The following YAF2 variants were observed in gnomAD, a reference collection of about 807,000 sequenced individuals.
YAF2 encodes the protein YY1-associated factor 2.
A neutral mutation model predicts 20.1 loss-of-function variants in YAF2; 7 were observed. That is an observed-to-expected ratio of 0.35 (90% CI 0.20 to 0.65). The LOEUF is 0.65. Ranked by LOEUF, YAF2 falls within the 30% of genes least tolerant of loss-of-function variation. The pLI is 0.69. For missense variants in YAF2, 151 were observed against 219.2 expected, an observed-to-expected ratio of 0.69 and a Z score of 1.96; for synonymous variants, 74 against 76.0, an observed-to-expected ratio of 0.97 and a Z score of 0.14.
intron 2 of YAF2, chr12:42,233,721 C>T: frequency 1.1e-6 from 1 of 922,204 alleles, no homozygotes; most frequent in South Asian, 5.0e-5. Context: ...CTGTGTTGCC[C>T]AGGTTGGTCT....
intron 2 of YAF2, among the ~76,000 whole-genome samples, chr12:42,188,467 A>C (rs2066530343): frequency 6.7e-6 from 1 of 149,098 alleles, no homozygotes; most frequent in East Asian, 2.0e-4. Context: ...CTCACTGCAA[A>C]CTCCACCTCT....
At chr12:42,230,212 G>A (rs113444083) in intron 2 of YAF2, among the ~76,000 whole-genome samples, 2,747 of 152,122 alleles carry the variant, frequency 0.018, 83 homozygotes, top group African/African-American at 0.062. Context: ...AGCCAAGATC[G>A]CGCTACTGCA....
chr12:42,168,563 C>A (rs887901241), intron 2 of YAF2, among the ~76,000 whole-genome samples: 1 of 152,004 alleles, frequency 6.6e-6, no homozygotes, highest in African/African-American at 2.4e-5. Flanking sequence ...AAATTCTTTT[C>A]GGAAAAATGA....
Position 42,161,757 on chromosome 12 carries a change from C to T in YAF2, c.161G>A (p.Arg54Gln), listed in dbSNP as rs1342004900. ...VRKGTSTRKP[R>Q]PVSQLVAQQV... is the part of the protein sequence containing the mutation. ...CTGTGCAACCAACTGGGAGACAGGT[C>T]GAGGTTTCCTGTGTGCATGTTAAAA... Residue 54 changes from arginine (R) to glutamine (Q), a missense_variant, in exon 3 of 4, where the codon CGA becomes CAA. This residue lies in a region of YAF2 where 50 missense variants were observed against 112.0 expected (regional missense o/e 0.45). Transcript: ENST00000534854. 3 of 1,602,008 alleles carry T rather than the reference C, an allele frequency of 1.9e-6. No individual in the cohort carries two copies. Among genetic ancestry groups the T allele is most frequent in the Non-Finnish European group, 1.7e-6 (2 of 1,177,044 alleles).
chr12:42,165,322 A>G lies in YAF2; in HGVS notation c.153-3557T>C, dbSNP rs117218456. Reference sequence around the variant, plus strand: ...CCAGGAGAAACAGGTATCACAATGGACCCTTTTAATAAGAGAACAATGAAA... The same window carrying G: ...CCAGGAGAAACAGGTATCACAATGGGCCCTTTTAATAAGAGAACAATGAAA... On this transcript the variant is annotated intron_variant, in intron 2 of 3. Coordinates refer to ENST00000534854, the MANE Select transcript of YAF2 (RefSeq NM_005748.6). 9.7e-4 allele frequency among the ~76,000 whole-genome samples: 147 copies of G among 152,268 alleles called. 3 individuals are homozygous for G. In the East Asian group the frequency reaches 0.025, roughly 26 times the overall value.
At position 42,175,740 on chromosome 12, in the gene YAF2, CAA is replaced by C. The variant is rs59476115; in HGVS notation, c.153-13977_153-13976del. 6.4e-3 allele frequency among the ~76,000 whole-genome samples: 288 copies of C among 44,922 alleles called. 1 individual carries two copies. Among genetic ancestry groups the C allele is most frequent in the Middle Eastern group, 0.017 (1 of 58 alleles). The allele number at this position is 44,922 out of a possible 152,430, so 29.5% of individuals were successfully genotyped here. A position where few individuals can be genotyped will look rare whatever the true frequency, so the allele number is the denominator to read the frequency against. The stretch of plus-strand genomic sequence containing the variant: ...CTGGCGACAGAGCAAGACTCTGTCT[CAA>C]AAAAAAAAAAAAAAAAAAAAAAAAA... On this transcript the variant is annotated intron_variant, in intron 2 of 3. Transcript: ENST00000534854.
At chr12:42,203,135 G>A (rs2066945172) in intron 2 of YAF2, among the ~76,000 whole-genome samples, 1 of 149,708 alleles carries the variant, frequency 6.7e-6, no homozygotes, top group Non-Finnish European at 1.5e-5. Context: ...TAACTTTTCA[G>A]TAATATTTAT....
rs970098173 is a variant in YAF2, at chr12:42,232,919, A to G, written c.152+4680T>C. The G allele has an allele frequency of 1.4e-5, 14 of 985,428 alleles. No individual in the cohort carries two copies. In the Admixed American group the frequency reaches 7.4e-4, roughly 52 times the overall value. 61.0% of individuals were successfully genotyped at this position (985,428 alleles called of 1,614,324 possible). A position where few individuals can be genotyped will look rare whatever the true frequency, so the allele number is the denominator to read the frequency against. ...AAGAAGTTCCACCTCTTCAGCCTAC[A>G]CATAAAGGAAAGATCTACTAACACT... On this transcript the variant is annotated intron_variant, in intron 2 of 3. Coordinates refer to ENST00000534854, the MANE Select transcript of YAF2 (RefSeq NM_005748.6).
chr12:42,187,020 A>G (rs2066492415), intron 2 of YAF2, among the ~76,000 whole-genome samples: 2 of 152,218 alleles, frequency 1.3e-5, no homozygotes, highest in Admixed American at 1.3e-4. Flanking sequence ...TGATATATAT[A>G]GTTCAAGCTC....
intron 2 of YAF2, among the ~76,000 whole-genome samples, chr12:42,216,404 C>T (rs1014655377): frequency 2.6e-5 from 4 of 152,078 alleles, no homozygotes; most frequent in Non-Finnish European, 4.4e-5. Context: ...TGGCTAAACA[C>T]ACCCCCCTCT....
intron 2 of YAF2, among the ~76,000 whole-genome samples, chr12:42,176,156 G>T (rs1386896072): frequency 6.7e-6 from 1 of 148,994 alleles, no homozygotes; most frequent in African/African-American, 2.5e-5. Context: ...TGAGGCAGGA[G>T]AATCACTTGA....
At chr12:42,168,470 C>T (rs1439542342) in intron 2 of YAF2, among the ~76,000 whole-genome samples, 2 of 152,120 alleles carry the variant, frequency 1.3e-5, no homozygotes, top group Non-Finnish European at 2.9e-5. Flanking sequence ...ATGTGAGCCA[C>T]CATGCCTGGC....
chr12:42,237,812 C>CCCCCCGCCCCAATTCTGCGA (rs2068226792), intron 1 of YAF2, 88 bp from the exon 2 acceptor site: 1 of 1,018,610 alleles, frequency 9.8e-7, no homozygotes, highest in African/African-American at 1.8e-5. Context: ...CCCCGCCCCG[C>CCCCCCGCCCCAATTCTGCGA]CCCCCGCCCC....
intron 2 of YAF2, among the ~76,000 whole-genome samples, chr12:42,206,502 G>A (rs1053776151): frequency 1.3e-5 from 2 of 151,998 alleles, no homozygotes; most frequent in South Asian, 4.2e-4. Context: ...CTAGCTACTC[G>A]TGAGGCTGAG....
intron 2 of YAF2, among the ~76,000 whole-genome samples, chr12:42,217,622 T>C (rs2067394380): frequency 1.3e-5 from 2 of 152,112 alleles, no homozygotes; most frequent in Non-Finnish European, 2.9e-5. Context: ...CTAAGAAATG[T>C]GCTGAATTCA....
At chr12:42,175,805 G>A (rs2137020980) in intron 2 of YAF2, among the ~76,000 whole-genome samples, 1 of 145,944 alleles carries the variant, frequency 6.9e-6, no homozygotes, top group South Asian at 2.2e-4. Context: ...ACTTAAATGA[G>A]GATCTGTAGG....
intron 2 of YAF2, among the ~76,000 whole-genome samples, chr12:42,182,225 T>C (rs2066361362): frequency 1.3e-5 from 2 of 152,134 alleles, no homozygotes; most frequent in African/African-American, 2.4e-5. Flanking sequence ...TCATGATATG[T>C]TTGACGAGGA....
intron 2 of YAF2, among the ~76,000 whole-genome samples, chr12:42,173,890 T>A (rs1387611726): frequency 6.6e-6 from 1 of 152,138 alleles, no homozygotes; most frequent in Non-Finnish European, 1.5e-5. Flanking sequence ...TCGATTAGAA[T>A]GTCCACAGCC....
chr12:42,230,442 C>T (rs2067952658), intron 2 of YAF2, among the ~76,000 whole-genome samples: 1 of 152,054 alleles, frequency 6.6e-6, no homozygotes, highest in Admixed American at 6.6e-5. Context: ...TCCTAAGGAT[C>T]TCAGCCTTTA....
Sources: gnomAD v4.1 joint callset for allele counts (sites outside exome capture counted in the v4.1 genomes callset) on GRCh38, gnomAD v4.1.1 for gene constraint, gnomAD v4.1.1 regional missense constraint, MANE v1.5 for transcripts, NCBI Gene and HGNC (gene_info 2026-07-23, HGNC 2026-07-21) for gene names.